DST: variants seen among roughly 807,000 people sequenced by gnomAD.
The protein encoded by DST is dystonin, also known as bullous pemphigoid antigen.
A neutral mutation model predicts 875.2 loss-of-function variants in DST; 253 were observed. The ratio of observed to expected loss-of-function variants is 0.29; its 90% CI spans 0.26 to 0.32. The LOEUF (loss-of-function observed/expected upper bound fraction) is 0.32. Ranked by LOEUF, DST falls within the 10% of genes least tolerant of loss-of-function variation. The pLI is 1.00. For synonymous variants in DST, 3,124 were observed against 3,197.1 expected (o/e 0.98, Z 0.77); for missense variants, 8,287 against 9,111.6 (o/e 0.91, Z 3.68).
Position 56,572,811 on chromosome 6 carries a change from G to A in DST, c.13490C>T (p.Thr4497Ile). 1 of 1,611,146 alleles carries A rather than the reference G, an allele frequency of 6.2e-7. No individual in the cohort carries two copies. The change falls in exon 52 of 104, where the codon ACT (threonine) becomes ATT (isoleucine). Residue 4497 changes from threonine (T) to isoleucine (I), a missense_variant. Physicochemically the swap from Thr to Ile is moderately conservative, Grantham distance 89 (BLOSUM62 -1). Coordinates refer to ENST00000680361, the MANE Select transcript of DST (RefSeq NM_001374736.1). Reference protein sequence around the residue: ...EKLQTFLETKTQALTEVDVPG... With the variant: ...EKLQTFLETKIQALTEVDVPG... ...CACATCTACTTCAGTAAGAGCCTGA[G>A]TTTTTGTTTCTAAAAATGTCTGGAG...
intron 38 of DST, 89 bp from the exon 39 acceptor site, chr6:56,610,651 G>T: frequency 8.8e-7 from 1 of 1,130,652 alleles, no homozygotes; most frequent in Non-Finnish European, 1.2e-6. Context: ...TCATATGATG[G>T]TAAAATAAAA....
intron 4 of DST, among the ~76,000 whole-genome samples, chr6:56,847,813 G>A (rs1329175143): frequency 2.0e-5 from 3 of 152,050 alleles, no homozygotes; most frequent in East Asian, 1.9e-4. Context: ...TAATTACCGC[G>A]TTGTAACTGT....
At chr6:56,793,936 A>T (rs889485456) in intron 4 of DST, among the ~76,000 whole-genome samples, 5 of 152,368 alleles carry the variant, frequency 3.3e-5, no homozygotes, top group South Asian at 2.1e-4. Flanking sequence ...ATGGTATTTT[A>T]AATGTTAATA....
chr6:56,536,780 T>G lies in DST; in HGVS notation c.16769A>C (p.Lys5590Thr). 6.5e-7 allele frequency: 1 copy of G among 1,542,458 alleles called. No homozygotes were observed. Among genetic ancestry groups the G allele is most frequent in the South Asian group, 1.3e-5 (1 of 78,276 alleles). ...CAATGAAGGGGGTGAGAAAATTACCTTCTTATTGAGAGTCTTCCACCGTGC... is the reference window on the plus strand; with the variant it reads ...CAATGAAGGGGGTGAGAAAATTACCGTCTTATTGAGAGTCTTCCACCGTGC... The part of the protein sequence containing the change: ...VNARWKTLNK[K>T]VAQRAAQLQE... The change falls in exon 62 of 104, where the codon AAG becomes ACG. Residue 5590 changes from lysine to threonine, a missense_variant and splice_region_variant. Lys to Thr is a moderately conservative substitution (Grantham distance 78, BLOSUM62 -1). Transcript: ENST00000680361.
rs760309409 is a variant in DST, at chr6:56,628,178, C to T, written c.4476-17G>A. The T allele has an allele frequency of 3.1e-6, 5 of 1,609,946 alleles. No individual in the cohort carries two copies. Among genetic ancestry groups the T allele is most frequent in the Middle Eastern group, 1.7e-4 (1 of 6,050 alleles). ...TCCCGTAACCTAAGAGAATAGTAACCGAATAGTCACGGTGTCCAGCGATAT... is the reference window on the plus strand; with the variant it reads ...TCCCGTAACCTAAGAGAATAGTAACTGAATAGTCACGGTGTCCAGCGATAT... On this transcript the variant is annotated splice_polypyrimidine_tract_variant and intron_variant, in intron 32 of 103. Coordinates refer to ENST00000680361, the MANE Select transcript of DST (RefSeq NM_001374736.1).
At position 56,552,412 on chromosome 6, in the gene DST, A is replaced by G. The variant is rs375307740; in HGVS notation, c.16380T>C (p.Val5460=). The G allele has an allele frequency of 2.5e-6, 4 of 1,613,868 alleles. No homozygotes were observed. Among genetic ancestry groups the G allele is most frequent in the African/African-American group, 2.7e-5 (2 of 74,920 alleles). ...AGGCCTCCAAGTCCCTTTTGATTCC[A>G]ACAAGGTCAGGAGAGGTTTCTTCTG... ...LATEETSPDL[V]GIKRDLEALS... The change falls in exon 61 of 104, where the codon GTT becomes GTC. Residue 5460 remains valine (V), a synonymous_variant. Coordinates refer to ENST00000680361, the MANE Select transcript of DST (RefSeq NM_001374736.1).
intron 2 of DST, among the ~76,000 whole-genome samples, chr6:56,935,380 A>T (rs973442059): frequency 6.6e-5 from 10 of 152,262 alleles, no homozygotes; most frequent in African/African-American, 2.4e-4. Flanking sequence ...CGTGCAGCTC[A>T]CTGCAGAGTG....
chr6:56,709,531 T>C (rs571506656), intron 5 of DST, among the ~76,000 whole-genome samples: 1 of 152,344 alleles, frequency 6.6e-6, no homozygotes, highest in South Asian at 2.1e-4. Flanking sequence ...AAGTCTGACA[T>C]TATAGTGGTT....
chr6:56,627,867 A>G (rs560793454), intron 33 of DST, 132 bp downstream of exon 33: 3 of 838,070 alleles, frequency 3.6e-6, no homozygotes, highest in African/African-American at 1.7e-5. Context: ...CAAGATTTTA[A>G]TATTTTTTAT....
intron 4 of DST, among the ~76,000 whole-genome samples, chr6:56,776,631 T>G (rs989652740): frequency 6.6e-6 from 1 of 152,160 alleles, no homozygotes; most frequent in African/African-American, 2.4e-5. Flanking sequence ...TATTCTAAAA[T>G]TAAAAGTTTA....
In DST at chr6:56,875,352, A is replaced by G. The variant is rs76487488; in HGVS notation, c.418-23748T>C. ...TTTTACAGGTCTCATCACATTAGAC[A>G]TATACTCAGACACATTCAATACATT... On this transcript the variant is annotated intron_variant, in intron 3 of 103. Transcript: ENST00000680361. Among the ~76,000 whole-genome samples, 1,186 of 152,338 alleles carry G rather than the reference A, an allele frequency of 7.8e-3. 21 individuals are homozygous for G. Among genetic ancestry groups the G allele is most frequent in the African/African-American group, 0.027 (1,142 of 41,584 alleles).
At position 56,471,256 on chromosome 6, in the gene DST, C is replaced by A. The variant is rs772254325; in HGVS notation, c.22171G>T (p.Ala7391Ser). 3.2e-6 allele frequency: 5 copies of A among 1,585,718 alleles called. No homozygotes were observed. The highest frequency in any genetic ancestry group is 4.3e-6 in the Non-Finnish European group (5 of 1,164,570). ...LDRLEELREF[A>S]NFDFDIWRKK... ...CGCCAGATATCAAAATCAAAGTTAG[C>A]AAATTCCCTCAGCTAAAAGGACAAA... Residue 7391 changes from alanine to serine, a missense_variant, in exon 95 of 104, where the codon GCT (alanine) becomes TCT (serine). Ala to Ser is a moderately conservative substitution (Grantham distance 99). Coordinates refer to ENST00000680361, the MANE Select transcript of DST (RefSeq NM_001374736.1).
chr6:56,822,409 A>C (rs2099774096), intron 4 of DST, among the ~76,000 whole-genome samples: 1 of 152,204 alleles, frequency 6.6e-6, no homozygotes, highest in Non-Finnish European at 1.5e-5. Flanking sequence ...GAGACAGTTC[A>C]TCTGAGGAGG....
intron 101 of DST, 59 bp downstream of exon 101, chr6:56,463,506 A>G: frequency 1.4e-6 from 2 of 1,430,764 alleles, no homozygotes; most frequent in East Asian, 2.3e-5. Context: ...GAACATTCAA[A>G]AGTCTACTTG....
intron 47 of DST, among the ~76,000 whole-genome samples, chr6:56,594,564 ACCTAATTTTTGGAC>A: frequency 6.6e-6 from 1 of 152,354 alleles, no homozygotes. Flanking sequence ...GAATGTCTTT[ACCTAATTTTTGGAC>A]AAACAAGTAT....
At chr6:56,897,475 C>T (rs1269002109) in intron 3 of DST, among the ~76,000 whole-genome samples, 5 of 152,012 alleles carry the variant, frequency 3.3e-5, no homozygotes, top group Non-Finnish European at 4.4e-5. Context: ...GGATTACAGG[C>T]GTGTGCCACC....
chr6:56,619,528 C>T (rs766450553), intron 36 of DST: 7 of 1,613,290 alleles, frequency 4.3e-6, no homozygotes, highest in Non-Finnish European at 4.2e-6. Flanking sequence ...AATTTAAATG[C>T]TGAATATTCT....
At chr6:56,526,266 T>C in intron 69 of DST, 95 bp downstream of exon 69, 1 of 1,275,018 alleles carries the variant, frequency 7.8e-7, no homozygotes. Flanking sequence ...AGCAAATGAA[T>C]GGAAACAGTA....
chr6:56,634,397 T>C (rs766035077), intron 26 of DST, 65 bp downstream of exon 26: 44 of 1,608,590 alleles, frequency 2.7e-5, no homozygotes, highest in Non-Finnish European at 3.3e-5. Context: ...AAAGTATTGA[T>C]TGTTCCTTCA....
Sources: allele counts gnomAD v4.1 joint callset (sites outside exome capture counted in the v4.1 genomes callset), GRCh38; gene constraint gnomAD v4.1.1; transcripts MANE v1.5; gene names NCBI Gene and HGNC (gene_info 2026-07-23, HGNC 2026-07-21).